GADL1: variants seen among roughly 807,000 people sequenced by gnomAD.
GADL1 encodes GAD like acidic amino acid decarboxylase 1.
GADL1 carries 71 observed loss-of-function variants against 69.5 expected under a neutral mutation model. The observed-to-expected ratio is 1.02, with a 90% CI of 0.84 to 1.25. The LOEUF (loss-of-function observed/expected upper bound fraction) is 1.25, where lower values mean the gene tolerates loss of function less well. Among genes scored for constraint, GADL1 ranks in the 50% most tolerant of loss-of-function variants. The probability of loss-of-function intolerance (pLI) is 0.00; values close to 1 mark genes in which losing one functional copy is unlikely to be tolerated. For synonymous variants in GADL1, 254 were observed against 214.4 expected (o/e 1.18, Z -1.62); for missense variants, 737 against 631.8 (o/e 1.17, Z -1.79).
Position 30,803,342 on chromosome 3 carries a change from C to T in GADL1, c.1051-2254G>A, listed in dbSNP as rs144101494. The stretch of plus-strand genomic sequence containing the variant: ...CAACTACACTGACCATATATTATAA[C>T]ACTAAAAGGCCACTGCATGTACTTT... On this transcript the variant is annotated intron_variant, in intron 11 of 14. Transcript: ENST00000282538. Among the ~76,000 whole-genome samples, 624 of 152,254 alleles carry T rather than the reference C, an allele frequency of 4.1e-3. 5 individuals carry two copies. The highest frequency in any genetic ancestry group is 0.014 in the African/African-American group (598 of 41,558).
chr3:30,810,329 T>C (rs1245488927), intron 11 of GADL1, among the ~76,000 whole-genome samples: 1 of 152,274 alleles, frequency 6.6e-6, no homozygotes, highest in East Asian at 1.9e-4. Context: ...ATGTGTTCTT[T>C]GAGAAAACAT....
At chr3:30,854,843 T>G (rs1698203406) in intron 3 of GADL1, 54 bp from the exon 4 acceptor site, 7 of 827,160 alleles carry the variant, frequency 8.5e-6, no homozygotes, top group African/African-American at 3.5e-5. Context: ...AAAAAACTAC[T>G]GATACAGCAT....
chr3:30,814,783 G>A (rs988818608), intron 11 of GADL1, among the ~76,000 whole-genome samples: 1 of 152,068 alleles, frequency 6.6e-6, no homozygotes, highest in Non-Finnish European at 1.5e-5. Flanking sequence ...GGCCAAGATA[G>A]TGAAATCCTG....
intron 14 of GADL1, among the ~76,000 whole-genome samples, chr3:30,759,885 T>C (rs1696080274): frequency 6.6e-6 from 1 of 152,136 alleles, no homozygotes; most frequent in Non-Finnish European, 1.5e-5. Flanking sequence ...CACAAAATGC[T>C]CTTATGCAGG....
intron 11 of GADL1, among the ~76,000 whole-genome samples, chr3:30,821,299 T>C (rs1467201161): frequency 1.3e-5 from 2 of 152,158 alleles, no homozygotes; most frequent in Admixed American, 6.6e-5. Flanking sequence ...CTGCACGTTG[T>C]GCACATGTAC....
intron 14 of GADL1, among the ~76,000 whole-genome samples, chr3:30,752,452 G>GCTTTTAGATAA (rs1442236246): frequency 1.3e-5 from 2 of 151,574 alleles, no homozygotes; most frequent in East Asian, 1.9e-4. Context: ...GCCAGTCTCT[G>GCTTTTAGATAA]CTTTTAGATA....
rs1695687236 is a variant in GADL1, at chr3:30,745,353, A to G, written c.1393-16938T>C. Among the ~76,000 whole-genome samples, 7 of 152,360 alleles carry G rather than the reference A, an allele frequency of 4.6e-5. No individual in the cohort carries two copies. In the South Asian group the frequency reaches 1.2e-3, roughly 27 times the overall value. ...AATATTAATATATGTCATGATTTAC[A>G]TGTCTATCAATTAGATCCCTAATTA... On this transcript the variant is annotated intron_variant, in intron 14 of 14. Transcript: ENST00000282538.
intron 1 of GADL1, among the ~76,000 whole-genome samples, chr3:30,868,043 C>T (rs1212169648): frequency 6.6e-6 from 1 of 152,002 alleles, no homozygotes; most frequent in Non-Finnish European, 1.5e-5. Flanking sequence ...ACTTCATTGA[C>T]AGCTGCCCAG....
intron 9 of GADL1, among the ~76,000 whole-genome samples, chr3:30,837,801 G>A (rs1341300758): frequency 6.6e-6 from 1 of 151,934 alleles, no homozygotes; most frequent in African/African-American, 2.4e-5. Context: ...ATGCTTCTAA[G>A]TCTATAAAAA....
chr3:30,878,628 G>A (rs899997946), intron 1 of GADL1, among the ~76,000 whole-genome samples: 1 of 151,802 alleles, frequency 6.6e-6, no homozygotes, highest in Non-Finnish European at 1.5e-5. Flanking sequence ...TCCACTCAGA[G>A]GCCTGAGACC....
At chr3:30,732,912 CT>C (rs1234282208) in intron 14 of GADL1, among the ~76,000 whole-genome samples, 1 of 152,058 alleles carries the variant, frequency 6.6e-6, no homozygotes, top group East Asian at 1.9e-4. Context: ...CAAAAATTAG[CT>C]GGGTGAGGTG....
At chr3:30,816,902 G>T (rs1697486415) in intron 11 of GADL1, among the ~76,000 whole-genome samples, 1 of 152,046 alleles carries the variant, frequency 6.6e-6, no homozygotes, top group African/African-American at 2.4e-5. Context: ...TAACTGTATT[G>T]TATAGCATCT....
chr3:30,767,384 C>A (rs1696306397), intron 14 of GADL1, among the ~76,000 whole-genome samples: 1 of 147,922 alleles, frequency 6.8e-6, no homozygotes, highest in African/African-American at 2.5e-5. Context: ...TAAAGGAAAG[C>A]CATTTAAATC....
intron 14 of GADL1, among the ~76,000 whole-genome samples, chr3:30,765,109 A>AT (rs1696238844): frequency 7.7e-6 from 1 of 130,078 alleles, no homozygotes; most frequent in Non-Finnish European, 1.7e-5. Context: ...TAACTGCTAG[A>AT]TTTACGCAAG....
chr3:30,788,998 CATT>C (rs1696856716), intron 12 of GADL1, among the ~76,000 whole-genome samples: 1 of 152,120 alleles, frequency 6.6e-6, no homozygotes, highest in Non-Finnish European at 1.5e-5. Flanking sequence ...TCTAAATCCC[CATT>C]ATTAGTATTT....
chr3:30,757,041 C>G (rs1559489451), intron 14 of GADL1, among the ~76,000 whole-genome samples: 1 of 152,136 alleles, frequency 6.6e-6, no homozygotes, highest in Non-Finnish European at 1.5e-5. Context: ...TCAGCTTCCT[C>G]CATTTCCAGG....
At chr3:30,835,747 C>G (rs887666195) in intron 9 of GADL1, among the ~76,000 whole-genome samples, 1 of 152,034 alleles carries the variant, frequency 6.6e-6, no homozygotes, top group Non-Finnish European at 1.5e-5. Flanking sequence ...CCATGGGGTC[C>G]CCAGAGGCCT....
At chr3:30,753,252 T>C (rs1319521463) in intron 14 of GADL1, among the ~76,000 whole-genome samples, 1 of 152,180 alleles carries the variant, frequency 6.6e-6, no homozygotes, top group Non-Finnish European at 1.5e-5. Flanking sequence ...AGTTCCAATC[T>C]ACGTTACATG....
At chr3:30,752,322 TC>T (rs1472162245) in intron 14 of GADL1, among the ~76,000 whole-genome samples, 3 of 93,962 alleles carry the variant, frequency 3.2e-5, no homozygotes, top group Non-Finnish European at 8.7e-5. Context: ...TAGGGGCCTA[TC>T]TCTCTTGCTG....
Sources: gnomAD v4.1 joint callset for allele counts (sites outside exome capture counted in the v4.1 genomes callset) on GRCh38, gnomAD v4.1.1 for gene constraint, MANE v1.5 for transcripts, NCBI Gene and HGNC (gene_info 2026-07-23, HGNC 2026-07-21) for gene names.